ZNF627: variants seen among roughly 807,000 people sequenced by gnomAD.
ZNF627 encodes zinc finger protein 627.
Under a neutral mutation model 10.6 loss-of-function variants are expected in ZNF627, and 12 were observed. That is an observed-to-expected ratio of 1.13 (90% CI 0.73 to 1.84). The LOEUF (loss-of-function observed/expected upper bound fraction) is 1.84, where lower values mean the gene tolerates loss of function less well. ZNF627 is among the 40% of genes most tolerant of loss of function. The pLI is 0.00. For missense variants in ZNF627, 504 were observed against 568.4 expected, an observed-to-expected ratio of 0.89 and a Z score of 1.15; for synonymous variants, 176 against 187.1, an observed-to-expected ratio of 0.94 and a Z score of 0.48.
intron 1 of ZNF627, among the ~76,000 whole-genome samples, chr19:11,600,075 C>G (rs995427616): frequency 6.6e-6 from 1 of 152,046 alleles, no homozygotes; most frequent in African/African-American, 2.4e-5. Flanking sequence ...AAATATAAGA[C>G]AGTTTTGCAA....
chr19:11,612,522 A>C (rs1293989589), intron 1 of ZNF627, among the ~76,000 whole-genome samples: 2 of 144,486 alleles, frequency 1.4e-5, no homozygotes, highest in Non-Finnish European at 3.0e-5. Context: ...GCTGGGTTCA[A>C]GCGATTCTTC....
At chr19:11,609,524 T>C (rs2145132028) in intron 1 of ZNF627, among the ~76,000 whole-genome samples, 1 of 123,010 alleles carries the variant, frequency 8.1e-6, no homozygotes. Context: ...TATATGTATT[T>C]TTTCCCCCCC....
Position 11,617,513 on chromosome 19 carries a change from G to A in ZNF627, c.1010G>A (p.Cys337Tyr). 1.2e-6 allele frequency: 2 copies of A among 1,613,834 alleles called. No homozygotes were observed. Among genetic ancestry groups the A allele is most frequent in the South Asian group, 2.2e-5 (2 of 91,074 alleles). Reference sequence around the variant, plus strand: ...CACACTGGCAATGGACCTTATAAATGTAAGGTGTGTGGGAAAGCCTTTGAT... The same window carrying A: ...CACACTGGCAATGGACCTTATAAATATAAGGTGTGTGGGAAAGCCTTTGAT... ...IKHTGNGPYK[C>Y]KVCGKAFDFP... Residue 337 changes from cysteine to tyrosine, a missense_variant, in exon 4 of 4, where the codon TGT (cysteine) becomes TAT (tyrosine). Transcript: ENST00000361113.
intron 1 of ZNF627, among the ~76,000 whole-genome samples, chr19:11,598,525 CAAAT>C (rs2145119173): frequency 1.3e-5 from 2 of 152,246 alleles, no homozygotes; most frequent in South Asian, 4.1e-4. Context: ...TAATTGTCTC[CAAAT>C]TAATTATTTT....
intron 1 of ZNF627, among the ~76,000 whole-genome samples, chr19:11,611,563 T>A (rs1317269496): frequency 6.6e-6 from 1 of 152,188 alleles, no homozygotes; most frequent in Non-Finnish European, 1.5e-5. Flanking sequence ...CAATAGAAAC[T>A]TTTGCTGTGT....
At chr19:11,612,363 G>A (rs1405105808) in intron 1 of ZNF627, among the ~76,000 whole-genome samples, 10 of 148,180 alleles carry the variant, frequency 6.7e-5, no homozygotes, top group East Asian at 2.0e-4. Flanking sequence ...CTCGTGATCC[G>A]CCTGCCTCGG....
Position 11,617,445 on chromosome 19 carries a change from G to A in ZNF627, c.942G>A (p.Lys314=). The part of the protein sequence containing the change: ...EKLFECKECG[K]ALTCLASVRR... Reference sequence around the variant, plus strand: ...TTTTTGAATGTAAGGAATGCGGGAAGGCTTTGACTTGTCTTGCAAGTGTTA... The same window carrying A: ...TTTTTGAATGTAAGGAATGCGGGAAAGCTTTGACTTGTCTTGCAAGTGTTA... Residue 314 remains lysine (K), a synonymous_variant, in exon 4 of 4, where the codon AAG becomes AAA. Coordinates refer to ENST00000361113, the MANE Select transcript of ZNF627 (RefSeq NM_145295.4). 1.2e-6 allele frequency: 2 copies of A among 1,613,790 alleles called. No homozygotes were observed. Among genetic ancestry groups the A allele is most frequent in the Non-Finnish European group, 1.7e-6 (2 of 1,179,994 alleles).
At chr19:11,614,320 C>T (rs574819224) in intron 1 of ZNF627, among the ~76,000 whole-genome samples, 4 of 152,348 alleles carry the variant, frequency 2.6e-5, no homozygotes, top group African/African-American at 9.6e-5. Flanking sequence ...AGGCATGCTC[C>T]TATTCTGCTG....
At chr19:11,614,473 C>T (rs1973831268) in intron 1 of ZNF627, 54 bp from the exon 2 acceptor site, 5 of 1,607,728 alleles carry the variant, frequency 3.1e-6, no homozygotes, top group East Asian at 2.2e-5. Flanking sequence ...AAAGTCTAGG[C>T]CCCCAGTGCT....
In ZNF627 at chr19:11,619,108, CTG is replaced by C. The variant is rs1350093297; in HGVS notation, c.*1221_*1222del. 3 of 152,124 alleles carry C rather than the reference CTG, an allele frequency of 2.0e-5. No homozygotes were observed. The highest frequency in any genetic ancestry group is 6.6e-5 in the Admixed American group (1 of 15,260). The allele number at this position is 152,124 out of a possible 1,614,324, so 9.4% of individuals were successfully genotyped here. A position where few individuals can be genotyped will look rare whatever the true frequency, so the allele number is the denominator to read the frequency against. Reference sequence around the variant, plus strand: ...CTGTTGTCAAAGAGGGTGTAATAAACTGTAATAATAATCATGACCACAAACCA... The same window carrying C: ...CTGTTGTCAAAGAGGGTGTAATAAACTAATAATAATCATGACCACAAACCA... On this transcript the variant is annotated 3_prime_UTR_variant, in exon 4 of 4. Coordinates refer to ENST00000361113, the MANE Select transcript of ZNF627 (RefSeq NM_145295.4).
rs553632244 is a variant in ZNF627 at position 11,599,680 on chromosome 19, C to T, written c.3+2050C>T. Among the ~76,000 whole-genome samples, 30 of 152,040 alleles carry T rather than the reference C, an allele frequency of 2.0e-4. No individual in the cohort carries two copies. In the East Asian group the frequency reaches 2.9e-3, roughly 15 times the overall value. Reference sequence around the variant, plus strand: ...CAGCACTTTGGGAAGCTGAGGTGGGCGGATCACTTGAGGCCATGAGTTCGA... The same window carrying T: ...CAGCACTTTGGGAAGCTGAGGTGGGTGGATCACTTGAGGCCATGAGTTCGA... On this transcript the variant is annotated intron_variant, in intron 1 of 3. Transcript: ENST00000361113.
chr19:11,611,845 G>A (rs1413626488), intron 1 of ZNF627, among the ~76,000 whole-genome samples: 1 of 152,080 alleles, frequency 6.6e-6, no homozygotes, highest in Non-Finnish European at 1.5e-5. Context: ...CCTATTGGTT[G>A]CTGTGAGTCT....
Position 11,618,303 on chromosome 19 carries a change from C to A in ZNF627, c.*414C>A. On this transcript the variant is annotated 3_prime_UTR_variant, in exon 4 of 4. Coordinates refer to ENST00000361113, the MANE Select transcript of ZNF627 (RefSeq NM_145295.4). ...CCATTTTCCTGCTTCTTTGGGTTGC[C>A]AATCAAGAGTATCCTCAAAACGACT... 1 of 162,404 alleles carries A rather than the reference C, an allele frequency of 6.2e-6. No individual in the cohort carries two copies. The allele number at this position is 162,404 out of a possible 1,614,324, so 10.1% of individuals were successfully genotyped here.
intron 3 of ZNF627, among the ~76,000 whole-genome samples, chr19:11,615,555 A>G (rs1973851845): frequency 6.8e-6 from 1 of 148,100 alleles, no homozygotes; most frequent in Admixed American, 6.7e-5. Context: ...TTGAGCCAAG[A>G]TGGCACCACT....
At chr19:11,599,231 G>C (rs1186188915) in intron 1 of ZNF627, among the ~76,000 whole-genome samples, 1 of 152,082 alleles carries the variant, frequency 6.6e-6, no homozygotes. Flanking sequence ...GGGCCTCTTA[G>C]TGGAGGAGCT....
In ZNF627 at chr19:11,612,477, A is replaced by G. The variant is rs550201420; in HGVS notation, c.4-2050A>G. On this transcript the variant is annotated intron_variant, in intron 1 of 3. Transcript: ENST00000361113. Reference sequence around the variant, plus strand: ...CTCACTGTCATCTAGGCTGGAGTGCAGTGGGGCAATCTCAGCTTACTGCAA... The same window carrying G: ...CTCACTGTCATCTAGGCTGGAGTGCGGTGGGGCAATCTCAGCTTACTGCAA... Among the ~76,000 whole-genome samples the G allele has an allele frequency of 2.3e-5, 3 of 128,400 alleles. No individual in the cohort carries two copies. In the South Asian group the frequency reaches 7.4e-4, roughly 32 times the overall value. The allele number at this position is 128,400 out of a possible 152,430, so 84.2% of individuals were successfully genotyped here.
Position 11,617,433 on chromosome 19 carries a change from G to C in ZNF627, c.930G>C (p.Lys310Asn). 1 of 1,613,976 alleles carries C rather than the reference G, an allele frequency of 6.2e-7. No homozygotes were observed. The highest frequency in any genetic ancestry group is 8.5e-7 in the Non-Finnish European group (1 of 1,180,020). ...THTGEKLFEC[K>N]ECGKALTCLA... ...CCGGAGAGAAACTTTTTGAATGTAA[G>C]GAATGCGGGAAGGCTTTGACTTGTC... Residue 310 changes from lysine (K) to asparagine (N), a missense_variant, in exon 4 of 4, where the codon AAG (lysine) becomes AAC (asparagine). Physicochemically the swap from Lys to Asn is moderately conservative, Grantham distance 94. Transcript: ENST00000361113.
intron 1 of ZNF627, among the ~76,000 whole-genome samples, chr19:11,599,342 T>G (rs1432311579): frequency 6.6e-6 from 1 of 152,226 alleles, no homozygotes; most frequent in African/African-American, 2.4e-5. Flanking sequence ...ATCCCATTCC[T>G]TGGGGGACAC....
intron 1 of ZNF627, among the ~76,000 whole-genome samples, chr19:11,602,005 CAAAAAAAAAAAAA>C (rs67176670): frequency 5.6e-5 from 3 of 53,772 alleles, no homozygotes; most frequent in African/African-American, 2.3e-4. Context: ...GACTCTGTCT[CAAAAAAAAAAAAA>C]AAAAAAAAAA....
Sources: allele counts gnomAD v4.1 joint callset (sites outside exome capture counted in the v4.1 genomes callset), GRCh38; gene constraint gnomAD v4.1.1; transcripts MANE v1.5; gene names NCBI Gene and HGNC (gene_info 2026-07-23, HGNC 2026-07-21).